Variants in LUC7L2 observed in about 807,000 individuals in gnomAD.
LUC7L2 encodes the protein putative RNA-binding protein Luc7-like 2.
Under a neutral mutation model 52.8 loss-of-function variants are expected in LUC7L2, and 25 were observed. The observed-to-expected ratio is 0.47, with a 90% CI of 0.34 to 0.66. The LOEUF (loss-of-function observed/expected upper bound fraction) is 0.66, where lower values mean the gene tolerates loss of function less well. Ranked by LOEUF, LUC7L2 falls within the 30% of genes least tolerant of loss-of-function variation. The pLI, the probability that LUC7L2 is intolerant of heterozygous loss-of-function variation, is 0.01. For missense variants in LUC7L2, 328 were observed against 497.8 expected (o/e 0.66, Z 3.25); for synonymous variants, 144 against 160.9 (o/e 0.89, Z 0.80).
intron 2 of LUC7L2, among the ~76,000 whole-genome samples, chr7:139,378,576 AAAAAAAG>A (rs1800834741): frequency 6.6e-6 from 1 of 151,992 alleles, no homozygotes; most frequent in East Asian, 1.9e-4. Context: ...CCCTGCCTCA[AAAAAAAG>A]AAAAAAGAAA....
At chr7:139,378,320 T>G (rs1800823840) in intron 2 of LUC7L2, among the ~76,000 whole-genome samples, 1 of 152,034 alleles carries the variant, frequency 6.6e-6, no homozygotes, top group East Asian at 1.9e-4. Context: ...CTACTTGAGA[T>G]AAATTTTGAG....
chr7:139,355,816 G>A (rs757921711), upstream of LUC7L2, among the ~76,000 whole-genome samples: 1 of 152,088 alleles, frequency 6.6e-6, no homozygotes, highest in African/African-American at 2.4e-5. Flanking sequence ...TATCTGAGGA[G>A]GTAAGAGCTA....
At chr7:139,350,606 T>C (rs2131156095) in intron 1 of LUC7L2, among the ~76,000 whole-genome samples, 1 of 152,102 alleles carries the variant, frequency 6.6e-6, no homozygotes, top group East Asian at 1.9e-4. Context: ...TTTTATCTCG[T>C]TTGTTGTCTA....
chr7:139,354,565 T>C (rs1037157096), intron 1 of LUC7L2, among the ~76,000 whole-genome samples: 1 of 152,222 alleles, frequency 6.6e-6, no homozygotes, highest in Non-Finnish European at 1.5e-5. Flanking sequence ...TTTTGCCATG[T>C]TGGCCAGGCT....
chr7:139,392,906 G>A lies in LUC7L2; in HGVS notation c.157-5693G>A, dbSNP rs187721677. Among the ~76,000 whole-genome samples the A allele has an allele frequency of 6.7e-3, 1,013 of 151,794 alleles. 13 individuals carry two copies. Among genetic ancestry groups the A allele is most frequent in the African/African-American group, 0.023 (964 of 41,392 alleles). ...CAACCTCAGGTGATCTGCCCGCCTCGGCCTCACAAAGTGCTGGAATTATAG... is the reference window on the plus strand; with the variant it reads ...CAACCTCAGGTGATCTGCCCGCCTCAGCCTCACAAAGTGCTGGAATTATAG... On this transcript the variant is annotated intron_variant, in intron 2 of 9. Transcript: ENST00000354926.
intron 1 of LUC7L2, among the ~76,000 whole-genome samples, chr7:139,352,913 A>G (rs1325735939): frequency 6.6e-6 from 1 of 152,140 alleles, no homozygotes; most frequent in African/African-American, 2.4e-5. Context: ...ATTAATAGGC[A>G]CCGGCCGGGC....
At chr7:139,404,342 T>G (rs1035347070) in intron 4 of LUC7L2, among the ~76,000 whole-genome samples, 9 of 152,110 alleles carry the variant, frequency 5.9e-5, no homozygotes, top group Non-Finnish European at 8.8e-5. Context: ...AAACCCTGTT[T>G]CTACAAAAAC....
At chr7:139,360,462 T>A in intron 1 of LUC7L2, 140 bp downstream of exon 1, 3 of 708,586 alleles carry the variant, frequency 4.2e-6, no homozygotes, top group Non-Finnish European at 6.8e-6. Flanking sequence ...CCGTCCCCCG[T>A]CCCATCCAAT....
At chr7:139,386,495 C>T (rs947999453) in intron 2 of LUC7L2, among the ~76,000 whole-genome samples, 2 of 150,290 alleles carry the variant, frequency 1.3e-5, no homozygotes, top group African/African-American at 4.9e-5. Flanking sequence ...AGCTCCGCCT[C>T]CCGGGTTCAC....
chr7:139,403,691 G>A (rs980341399), intron 4 of LUC7L2, among the ~76,000 whole-genome samples: 1 of 152,202 alleles, frequency 6.6e-6, no homozygotes, highest in African/African-American at 2.4e-5. Flanking sequence ...TCAAAGCTCA[G>A]TGACTTAAAA....
intron 2 of LUC7L2, among the ~76,000 whole-genome samples, chr7:139,383,556 T>G (rs1794049644): frequency 6.8e-6 from 1 of 146,570 alleles, no homozygotes; most frequent in Admixed American, 6.8e-5. Flanking sequence ...GGATTAGAGG[T>G]GCTGCACGCC....
At chr7:139,345,414 C>A in intron 1 of LUC7L2, 1 of 1,544,820 alleles carries the variant, frequency 6.5e-7, no homozygotes, top group African/African-American at 1.4e-5. Flanking sequence ...TTTACTTTCA[C>A]TCTAGTGAAT....
chr7:139,368,461 G>A (rs1019537854), intron 1 of LUC7L2, among the ~76,000 whole-genome samples: 3 of 152,132 alleles, frequency 2.0e-5, no homozygotes, highest in South Asian at 2.1e-4. Flanking sequence ...TAAAGAGGCC[G>A]GGCACTGTGG....
At chr7:139,381,669 C>T (rs185719008) in intron 2 of LUC7L2, among the ~76,000 whole-genome samples, 1 of 151,828 alleles carries the variant, frequency 6.6e-6, no homozygotes, top group East Asian at 1.9e-4. Flanking sequence ...CTCCCACTCC[C>T]GGGTTCAAGT....
chr7:139,346,027 T>C (rs6968958), intron 1 of LUC7L2: 64,053 of 176,656 alleles, frequency 0.36, 16,539 homozygotes, highest in African/African-American at 0.77. Context: ...CACCTGAGGT[T>C]GGGAGTTCGC....
intron 8 of LUC7L2, chr7:139,417,286 C>A: frequency 2.6e-6 from 1 of 377,760 alleles, no homozygotes; most frequent in Non-Finnish European, 4.8e-6. Flanking sequence ...AGCGATCCTC[C>A]TGCCTCAGAC....
At chr7:139,341,337 AG>A (rs773724554) in intron 1 of LUC7L2, 1 of 1,573,882 alleles carries the variant, frequency 6.4e-7, no homozygotes, top group Non-Finnish European at 8.7e-7. Flanking sequence ...AGGGGTTTTC[AG>A]GGTCGTAGGA....
rs1167828298 is a variant in LUC7L2, at chr7:139,378,447, T to G, written c.156+2291T>G. ...AAAATTAGCCTGGCATGGTGGTATT[T>G]CCTGAAGTCCTAACTGCCTGGGAGG... On this transcript the variant is annotated intron_variant, in intron 2 of 9. Coordinates refer to ENST00000354926, the MANE Select transcript of LUC7L2 (RefSeq NM_016019.5). Among the ~76,000 whole-genome samples the G allele has an allele frequency of 3.9e-5, 6 of 151,982 alleles. No homozygotes were observed. The South Asian group carries it at 1.2e-3, about 32-fold the overall frequency.
At chr7:139,343,757 A>G (rs538105660) in intron 1 of LUC7L2, among the ~76,000 whole-genome samples, 1 of 152,132 alleles carries the variant, frequency 6.6e-6, no homozygotes, top group East Asian at 1.9e-4. Flanking sequence ...CAACATGGTG[A>G]AACCCTGTTT....
Sources: allele counts gnomAD v4.1 joint callset (sites outside exome capture counted in the v4.1 genomes callset), GRCh38; gene constraint gnomAD v4.1.1; transcripts MANE v1.5; gene names NCBI Gene and HGNC (gene_info 2026-07-23, HGNC 2026-07-21).